Variants in DYNC2H1 observed in about 807,000 individuals in gnomAD.
DYNC2H1 encodes cytoplasmic dynein 2 heavy chain 1.
Under a neutral mutation model 570.0 loss-of-function variants are expected in DYNC2H1, and 410 were observed. The ratio of observed to expected loss-of-function variants is 0.72; its 90% confidence interval spans 0.66 to 0.78. DYNC2H1 has a LOEUF of 0.78. DYNC2H1 is among the 30% of genes least tolerant of loss of function. The pLI, the probability that DYNC2H1 is intolerant of heterozygous loss-of-function variation, is 0.00. For missense variants in DYNC2H1, 4,865 were observed against 5,046.4 expected, an observed-to-expected ratio of 0.96 and a Z score of 1.09; for synonymous variants, 1,688 against 1,677.6, an observed-to-expected ratio of 1.01 and a Z score of -0.15.
At chr11:103,355,802 C>T (rs1048911806) in intron 82 of DYNC2H1, among the ~76,000 whole-genome samples, 1 of 152,118 alleles carries the variant, frequency 6.6e-6, no homozygotes, top group Non-Finnish European at 1.5e-5. Flanking sequence ...GCTTGGAATT[C>T]CTGGGCTCAA....
At chr11:103,315,482 A>G (rs1045929839) in intron 79 of DYNC2H1, among the ~76,000 whole-genome samples, 5 of 152,080 alleles carry the variant, frequency 3.3e-5, no homozygotes, top group African/African-American at 1.2e-4. Context: ...ATCAATTTGA[A>G]TGAGCGATAA....
At chr11:103,389,911 C>T (rs1417555490) in intron 83 of DYNC2H1, among the ~76,000 whole-genome samples, 3 of 151,942 alleles carry the variant, frequency 2.0e-5, no homozygotes, top group Admixed American at 1.3e-4. Context: ...AGTGCTTTAC[C>T]TCCAACTATG....
At chr11:103,386,864 T>C (rs1591663145) in intron 83 of DYNC2H1, among the ~76,000 whole-genome samples, 1 of 152,064 alleles carries the variant, frequency 6.6e-6, no homozygotes, top group African/African-American at 2.4e-5. Context: ...TATTCCATGG[T>C]GTGTATGTGC....
intron 59 of DYNC2H1, among the ~76,000 whole-genome samples, chr11:103,223,751 ATTTT>A (rs58624728): frequency 7.0e-6 from 1 of 143,624 alleles, no homozygotes; most frequent in Non-Finnish European, 1.5e-5. Context: ...TTATTTATTG[ATTTT>A]TTTTTTTTTT....
chr11:103,138,048 G>A (rs1859674785), intron 17 of DYNC2H1, among the ~76,000 whole-genome samples: 1 of 150,596 alleles, frequency 6.6e-6, no homozygotes, highest in Non-Finnish European at 1.5e-5. Context: ...TGGTGTATAA[G>A]AATGCTTGTG....
At chr11:103,380,175 CAGGAATTT>C (rs1161256265) in intron 83 of DYNC2H1, among the ~76,000 whole-genome samples, 4 of 152,152 alleles carry the variant, frequency 2.6e-5, no homozygotes, top group Non-Finnish European at 5.9e-5. Context: ...TAAGTATTTA[CAGGAATTT>C]AGCTGACTGT....
intron 85 of DYNC2H1, among the ~76,000 whole-genome samples, chr11:103,441,726 A>G (rs550665144): frequency 1.3e-5 from 2 of 152,270 alleles, no homozygotes; most frequent in South Asian, 4.1e-4. Flanking sequence ...TTTGGCTTCT[A>G]TCTAAATCTA....
At chr11:103,231,472 T>G (rs1052289833) in intron 60 of DYNC2H1, 126 bp downstream of exon 60, 2 of 516,808 alleles carry the variant, frequency 3.9e-6, no homozygotes, top group Non-Finnish European at 6.8e-6. Flanking sequence ...TGGGACCCAG[T>G]AGTCTATAAT....
rs969015057 is a variant in DYNC2H1, at chr11:103,200,154, G to T, written c.8197G>T (p.Gly2733Cys). 4 of 1,543,792 alleles carry T rather than the reference G, an allele frequency of 2.6e-6. No individual in the cohort carries two copies. The highest frequency in any genetic ancestry group is 3.5e-6 in the Non-Finnish European group (4 of 1,138,952). ...GATGATCAATAGCCTTTTGTCTTCAGGCAAGTGAACAGTTTCTTTTCGAAG... is the reference window on the plus strand; with the variant it reads ...GATGATCAATAGCCTTTTGTCTTCATGCAAGTGAACAGTTTCTTTTCGAAG... ...LEMINSLLSS[G>C]EVPGLYTLEE... Residue 2733 changes from glycine to cysteine, a missense_variant and splice_region_variant, in exon 50 of 89, where the codon GGT becomes TGT. Gly to Cys is a radical substitution (Grantham distance 159). This residue lies in a region of DYNC2H1 where 2,401 missense variants were observed against 2,454.6 expected (regional missense o/e 0.98). Transcript: ENST00000375735.
rs777301727 is a variant in DYNC2H1, at chr11:103,123,005, G to A, written c.1661+5G>A. 2 of 1,404,336 alleles carry A rather than the reference G, an allele frequency of 1.4e-6. No individual in the cohort carries two copies. Among genetic ancestry groups the A allele is most frequent in the African/African-American group, 1.4e-5 (1 of 69,670 alleles). The allele number at this position is 1,404,336 out of a possible 1,614,324, so 87.0% of individuals were successfully genotyped here. On this transcript the variant is annotated splice_donor_5th_base_variant and intron_variant, in intron 11 of 88. Coordinates refer to ENST00000375735, the MANE Select transcript of DYNC2H1 (RefSeq NM_001377.3). ...TGATTCCAGATCTGGTTTGTGGTAA[G>A]TATAGATATATTAAACTGTAAAATC... is the stretch of plus-strand genomic sequence containing the variant.
chr11:103,470,972 A>G (rs1463900056), intron 88 of DYNC2H1, among the ~76,000 whole-genome samples: 2 of 152,064 alleles, frequency 1.3e-5, no homozygotes, highest in Non-Finnish European at 2.9e-5. Flanking sequence ...CTAGTTCTAG[A>G]TCCCTGAGGA....
chr11:103,455,379 T>A lies in DYNC2H1; in HGVS notation c.12566+84T>A, dbSNP rs1944752382. On this transcript the variant is annotated intron_variant, in intron 86 of 88. Transcript: ENST00000375735. Reference sequence around the variant, plus strand: ...TGACTTCCTATTACACTGCCCTTGATTGTCAAGAAATAAATTTATTATTGA... The same window carrying A: ...TGACTTCCTATTACACTGCCCTTGAATGTCAAGAAATAAATTTATTATTGA... 9.0e-6 allele frequency: 9 copies of A among 1,004,088 alleles called. No homozygotes were observed. The South Asian group carries it at 1.3e-4, about 14-fold the overall frequency. 62.2% of individuals were successfully genotyped at this position (1,004,088 alleles called of 1,614,324 possible).
At position 103,209,895 on chromosome 11, in the gene DYNC2H1, G is replaced by A; in HGVS notation, c.8474G>A (p.Ser2825Asn). 6.7e-7 allele frequency: 1 copy of A among 1,494,162 alleles called. No homozygotes were observed. The allele number at this position is 1,494,162 out of a possible 1,614,324, so 92.6% of individuals were successfully genotyped here. ...TTTTAGATACCTGAAATGTTATTCA[G>A]TGAAACAGGTGGTGGAGAAAAATAC... is the stretch of plus-strand genomic sequence containing the variant. The part of the protein sequence containing the change: ...SMKKIPEMLF[S>N]ETGGGEKYND... The change falls in exon 53 of 89, where the codon AGT (serine) becomes AAT (asparagine). Residue 2825 changes from serine to asparagine, a missense_variant. Physicochemically the swap from Ser to Asn is conservative, Grantham distance 46 (BLOSUM62 1). Transcript: ENST00000375735. This position sits in a 1 kb window ranked among gnomAD's most constrained non-coding sequence, Gnocchi z 4.2.
rs78616383 is a variant in DYNC2H1 at position 103,115,119 on chromosome 11, A to G, written c.503-58A>G. On this transcript the variant is annotated intron_variant, in intron 3 of 88. Coordinates refer to ENST00000375735, the MANE Select transcript of DYNC2H1 (RefSeq NM_001377.3). ...ATATTTTGCTGCTCTGCTGTTTTGT[A>G]TTCATTTTTTTTTCTCTGATATTCT... 239 of 1,299,116 alleles carry G rather than the reference A, an allele frequency of 1.8e-4. No homozygotes were observed. The East Asian group carries it at 5.9e-3, about 32-fold the overall frequency. 80.5% of individuals were successfully genotyped at this position (1,299,116 alleles called of 1,614,324 possible). A position where few individuals can be genotyped will look rare whatever the true frequency, so the allele number is the denominator to read the frequency against.
At chr11:103,223,751 ATTT>A (rs58624728) in intron 59 of DYNC2H1, among the ~76,000 whole-genome samples, 227 of 143,492 alleles carry the variant, frequency 1.6e-3, no homozygotes, top group Middle Eastern at 3.6e-3. Flanking sequence ...TTATTTATTG[ATTT>A]TTTTTTTTTT....
chr11:103,272,969 C>T (rs1591506923), intron 70 of DYNC2H1, among the ~76,000 whole-genome samples: 3 of 151,692 alleles, frequency 2.0e-5, no homozygotes, highest in Non-Finnish European at 4.4e-5. Flanking sequence ...AATAAATTGT[C>T]ATTGAATTAA....
At chr11:103,441,957 C>T (rs1205445108) in intron 85 of DYNC2H1, among the ~76,000 whole-genome samples, 1 of 152,044 alleles carries the variant, frequency 6.6e-6, no homozygotes, top group African/African-American at 2.4e-5. Flanking sequence ...AGTAACTTTC[C>T]TAGTCCTTGG....
chr11:103,177,624 T>C lies in DYNC2H1; in HGVS notation c.5943T>C (p.Ser1981=), dbSNP rs1555057439. ...QRMGVVIVGP[S]GAGKSTLWRM... The stretch of plus-strand genomic sequence containing the variant: ...TGGGAGTTGTTATTGTTGGTCCAAG[T>C]GGTGCTGGAAAATCAACGCTTTGGA... Residue 1981 remains serine (S), a synonymous_variant, in exon 38 of 89, where the codon AGT becomes AGC. Transcript: ENST00000375735. This position sits in a 1 kb window ranked among gnomAD's most constrained non-coding sequence, Gnocchi z 4.4. 6 of 1,613,342 alleles carry C rather than the reference T, an allele frequency of 3.7e-6. No individual in the cohort carries two copies. In the Admixed American group the frequency reaches 1.0e-4, roughly 27 times the overall value.
chr11:103,396,515 T>G (rs1591680673), intron 83 of DYNC2H1, among the ~76,000 whole-genome samples: 1 of 152,344 alleles, frequency 6.6e-6, no homozygotes, highest in African/African-American at 2.4e-5. Context: ...GAGTGTACTC[T>G]GCTGACAAAA....
Sources: gnomAD v4.1 joint callset for allele counts (sites outside exome capture counted in the v4.1 genomes callset) on GRCh38, gnomAD v4.1.1 for gene constraint, gnomAD v4.1.1 regional missense constraint, Gnocchi (gnomAD v3.1) non-coding constraint, MANE v1.5 for transcripts, NCBI Gene and HGNC (gene_info 2026-07-23, HGNC 2026-07-21) for gene names.